EGFLAM: variants seen among roughly 807,000 people sequenced by gnomAD.
The protein encoded by EGFLAM is pikachurin.
In EGFLAM, 79 loss-of-function variants were observed where a neutral mutation model predicts 113.1. The ratio of observed to expected loss-of-function variants is 0.70; its 90% CI spans 0.58 to 0.84. The LOEUF is 0.84. EGFLAM is among the 40% of genes least tolerant of loss of function. The pLI is 0.00. For synonymous variants in EGFLAM, 504 were observed against 487.6 expected, an observed-to-expected ratio of 1.03 and a Z score of -0.44; for missense variants, 1,265 against 1,291.6, an observed-to-expected ratio of 0.98 and a Z score of 0.32.
chr5:38,427,351 C>A, intron 14 of EGFLAM, 99 bp downstream of exon 14: 1 of 1,528,462 alleles, frequency 6.5e-7, no homozygotes, highest in Non-Finnish European at 8.8e-7. Flanking sequence ...CACACTCATC[C>A]TGTCTTCTCT....
intron 1 of EGFLAM, chr5:38,284,152 G>C (rs1403717178): frequency 6.6e-6 from 1 of 152,230 alleles, no homozygotes; most frequent in Non-Finnish European, 1.5e-5. Flanking sequence ...AGTGTCAGTG[G>C]CTTAGTTAAT....
At chr5:38,275,312 G>T (rs528169039) in intron 1 of EGFLAM, among the ~76,000 whole-genome samples, 1 of 152,258 alleles carries the variant, frequency 6.6e-6, no homozygotes, top group South Asian at 2.1e-4. Context: ...TCTATGCACT[G>T]CTTATAAGAG....
At chr5:38,340,051 A>T (rs1739296851) in intron 3 of EGFLAM, among the ~76,000 whole-genome samples, 1 of 152,168 alleles carries the variant, frequency 6.6e-6, no homozygotes, top group Non-Finnish European at 1.5e-5. Context: ...CTTGGCCTGG[A>T]ACCCAGTCCA....
chr5:38,420,114 G>A (rs1741778463), intron 12 of EGFLAM, among the ~76,000 whole-genome samples: 1 of 152,188 alleles, frequency 6.6e-6, no homozygotes, highest in Non-Finnish European at 1.5e-5. Flanking sequence ...CACACAGCTA[G>A]TAAGTGGTAG....
intron 1 of EGFLAM, among the ~76,000 whole-genome samples, chr5:38,329,408 T>G (rs2589829): frequency 0.38 from 57,718 of 152,002 alleles, 15,048 homozygotes; most frequent in African/African-American, 0.74. Context: ...CTGATGCATC[T>G]GGAATATTTT....
chr5:38,360,207 G>A (rs1378719683), intron 5 of EGFLAM, among the ~76,000 whole-genome samples: 1 of 152,214 alleles, frequency 6.6e-6, no homozygotes. Flanking sequence ...TCTTTGAACT[G>A]TTCTAAGAGA....
chr5:38,258,858 C>G lies in EGFLAM; in HGVS notation c.97+7C>G. ...GCGGCCATCCGAAAACCAGGTAATG[C>G]GCTCCTCCGCCCAGAGCCACCACGC... On this transcript the variant is annotated splice_region_variant and intron_variant, in intron 1 of 21. Transcript: ENST00000322350. 1.2e-6 allele frequency: 2 copies of G among 1,609,654 alleles called. No homozygotes were observed. The highest frequency in any genetic ancestry group is 1.7e-6 in the Non-Finnish European group (2 of 1,178,340).
chr5:38,291,988 GTTTT>G (rs1758348013), intron 1 of EGFLAM, among the ~76,000 whole-genome samples: 1 of 152,152 alleles, frequency 6.6e-6, no homozygotes, highest in Non-Finnish European at 1.5e-5. Flanking sequence ...CACTTTCTGG[GTTTT>G]GCAACCTGTG....
intron 11 of EGFLAM, among the ~76,000 whole-genome samples, chr5:38,416,361 A>T (rs1013679201): frequency 6.6e-6 from 1 of 152,190 alleles, no homozygotes; most frequent in African/African-American, 2.4e-5. Flanking sequence ...ATCTCAGGCC[A>T]AGTTTTTCAG....
chr5:38,299,656 C>T (rs1349638858), intron 1 of EGFLAM, among the ~76,000 whole-genome samples: 1 of 152,096 alleles, frequency 6.6e-6, no homozygotes, highest in African/African-American at 2.4e-5. Context: ...ATTAAATACT[C>T]TATCATTTAC....
chr5:38,341,237 G>A (rs1230927987), intron 3 of EGFLAM, among the ~76,000 whole-genome samples: 1 of 152,188 alleles, frequency 6.6e-6, no homozygotes, highest in Non-Finnish European at 1.5e-5. Context: ...TTGGCACTGG[G>A]TAATTTATAA....
intron 19 of EGFLAM, among the ~76,000 whole-genome samples, chr5:38,456,755 G>T (rs1360575387): frequency 6.6e-6 from 1 of 151,508 alleles, no homozygotes; most frequent in African/African-American, 2.5e-5. Context: ...AACTCATCCA[G>T]ATTTTCTCTC....
chr5:38,264,114 T>G (rs1030958409), intron 1 of EGFLAM, among the ~76,000 whole-genome samples: 7 of 152,180 alleles, frequency 4.6e-5, no homozygotes, highest in African/African-American at 1.7e-4. Flanking sequence ...GCTTAGAGCC[T>G]GGGGTTGCTC....
chr5:38,458,378 C>T lies in EGFLAM; in HGVS notation c.2755C>T (p.Arg919Ter), dbSNP rs200178357. The T allele has an allele frequency of 3.2e-5, 52 of 1,613,812 alleles. No individual in the cohort carries two copies. The highest frequency in any genetic ancestry group is 2.2e-5 in the East Asian group (1 of 44,864). ...NGSFNDGRWH[R>*]VKAVRDGQSG... ...CTCCTTCAACGATGGTCGGTGGCAC[C>T]GAGTTAAGGCCGTTAGGTGAGTCCC... Residue 919 changes from arginine (R) to a stop codon, truncating the protein, a stop_gained, in exon 20 of 22, where the codon CGA becomes TGA. Coordinates refer to ENST00000322350, the MANE Select transcript of EGFLAM (RefSeq NM_152403.4). LOFTEE classifies it high-confidence loss of function.
chr5:38,325,695 A>C (rs568159296), intron 1 of EGFLAM, among the ~76,000 whole-genome samples: 21 of 152,324 alleles, frequency 1.4e-4, no homozygotes, highest in African/African-American at 5.1e-4. Context: ...ATATGGGTAA[A>C]CCATAATTTA....
chr5:38,420,024 T>TAAAAAAC (rs927321944), intron 12 of EGFLAM, among the ~76,000 whole-genome samples: 1 of 151,778 alleles, frequency 6.6e-6, no homozygotes, highest in Non-Finnish European at 1.5e-5. Context: ...GAGACTGTCT[T>TAAAAAAC]AAAAAACAAA....
chr5:38,322,067 C>T (rs941167130), intron 1 of EGFLAM, among the ~76,000 whole-genome samples: 4 of 152,182 alleles, frequency 2.6e-5, no homozygotes, highest in Admixed American at 6.5e-5. Context: ...AGAACTGCCC[C>T]GCCGAGCCCT....
chr5:38,434,132 T>C (rs1470603794), intron 15 of EGFLAM, among the ~76,000 whole-genome samples: 2 of 152,186 alleles, frequency 1.3e-5, no homozygotes, highest in Non-Finnish European at 2.9e-5. Flanking sequence ...CGTAATGTGG[T>C]GTGTAAGGCT....
At chr5:38,448,792 T>C (rs1425261129) in intron 18 of EGFLAM, among the ~76,000 whole-genome samples, 4 of 152,360 alleles carry the variant, frequency 2.6e-5, no homozygotes, top group African/African-American at 9.6e-5. Context: ...TGTGCAGCTC[T>C]GACCTGGGCC....
Sources: allele counts gnomAD v4.1 joint callset (sites outside exome capture counted in the v4.1 genomes callset), GRCh38; gene constraint gnomAD v4.1.1; transcripts MANE v1.5; gene names NCBI Gene and HGNC (gene_info 2026-07-23, HGNC 2026-07-21).